BNC2: variants seen among roughly 807,000 people sequenced by gnomAD.
BNC2 encodes the protein zinc finger protein basonuclin-2.
In BNC2, 20 loss-of-function variants were observed where a neutral mutation model predicts 76.3. The observed-to-expected ratio is 0.26, with a 90% CI of 0.18 to 0.38. The LOEUF (loss-of-function observed/expected upper bound fraction) is 0.38, where lower values mean the gene tolerates loss of function less well. Ranked by LOEUF, BNC2 falls within the 10% of genes least tolerant of loss-of-function variation. The pLI, the probability that BNC2 is intolerant of heterozygous loss-of-function variation, is 1.00. For synonymous variants in BNC2, 582 were observed against 514.8 expected, an observed-to-expected ratio of 1.13 and a Z score of -1.77; for missense variants, 1,382 against 1,399.8, an observed-to-expected ratio of 0.99 and a Z score of 0.20.
chr9:16,806,344 G>A (rs946066254), intron 1 of BNC2, among the ~76,000 whole-genome samples: 7 of 152,150 alleles, frequency 4.6e-5, no homozygotes, highest in Non-Finnish European at 1.0e-4. Context: ...CCCTGCCTGG[G>A]TGACAGAGTG....
intron 6 of BNC2, among the ~76,000 whole-genome samples, chr9:16,424,670 G>C (rs963484429): frequency 1.3e-5 from 2 of 152,136 alleles, no homozygotes; most frequent in Non-Finnish European, 2.9e-5. Flanking sequence ...GAGAGAGAGA[G>C]ATAAATTTAT....
At chr9:16,776,205 T>C (rs1168484029) in intron 1 of BNC2, among the ~76,000 whole-genome samples, 3 of 132,216 alleles carry the variant, frequency 2.3e-5, no homozygotes, top group African/African-American at 7.0e-5. Flanking sequence ...AATGGAACCA[T>C]CTCGGGCTCA....
At chr9:16,689,978 G>T (rs565947796) in intron 3 of BNC2, among the ~76,000 whole-genome samples, 1 of 152,310 alleles carries the variant, frequency 6.6e-6, no homozygotes, top group East Asian at 1.9e-4. Flanking sequence ...CAAAATAAAT[G>T]AATACAAAAG....
chr9:16,605,784 CTTTTTTTTTTT>C (rs34431220), intron 3 of BNC2, among the ~76,000 whole-genome samples: 1 of 110,762 alleles, frequency 9.0e-6, no homozygotes, highest in Non-Finnish European at 1.8e-5. Context: ...TTCAAGAATT[CTTTTTTTTTTT>C]TTTTTTTTTT....
intron 3 of BNC2, among the ~76,000 whole-genome samples, chr9:16,657,952 A>C (rs1430784573): frequency 6.6e-6 from 1 of 152,120 alleles, no homozygotes; most frequent in Non-Finnish European, 1.5e-5. Flanking sequence ...TAAAATTCTT[A>C]TGTTTAATAT....
At chr9:16,702,921 T>G (rs997876407) in intron 3 of BNC2, among the ~76,000 whole-genome samples, 7 of 152,206 alleles carry the variant, frequency 4.6e-5, no homozygotes, top group Non-Finnish European at 1.0e-4. Context: ...CAACACCCAT[T>G]TTTTCACTAT....
chr9:16,777,119 C>T (rs939769433), intron 1 of BNC2, among the ~76,000 whole-genome samples: 1 of 151,156 alleles, frequency 6.6e-6, no homozygotes, highest in Non-Finnish European at 1.5e-5. Flanking sequence ...GAGTGAGACT[C>T]CTGTCTCAAA....
chr9:16,705,631 C>T (rs992384088), intron 3 of BNC2, among the ~76,000 whole-genome samples: 1 of 151,414 alleles, frequency 6.6e-6, no homozygotes, highest in African/African-American at 2.4e-5. Flanking sequence ...GCTTTTTCCT[C>T]GAGTTGTATG....
chr9:16,619,458 A>G (rs974312269), intron 3 of BNC2, among the ~76,000 whole-genome samples: 2 of 152,182 alleles, frequency 1.3e-5, no homozygotes, highest in African/African-American at 4.8e-5. Context: ...CTTTCCCCAA[A>G]TAACAAAATA....
chr9:16,497,287 C>T (rs190943967), intron 5 of BNC2, among the ~76,000 whole-genome samples: 137 of 152,298 alleles, frequency 9.0e-4, no homozygotes, highest in African/African-American at 2.9e-3. Context: ...TCTCATTTAT[C>T]CTAAAAACAT....
At position 16,760,015 on chromosome 9, in the gene BNC2, G is replaced by A. The variant is rs138566723; in HGVS notation, c.4-21530C>T. Among the ~76,000 whole-genome samples, 723 of 152,242 alleles carry A rather than the reference G, an allele frequency of 4.7e-3. 3 individuals carry two copies. Among genetic ancestry groups the A allele is most frequent in the African/African-American group, 0.016 (675 of 41,566 alleles). On this transcript the variant is annotated intron_variant, in intron 1 of 6. Transcript: ENST00000380672. ...TGGGATTACAGGCGTGAGCCACCGC[G>A]CGGGGCCAGAGACAGAAACTCTTAC...
intron 3 of BNC2, among the ~76,000 whole-genome samples, chr9:16,669,705 A>G (rs1454928157): frequency 6.6e-6 from 1 of 152,226 alleles, no homozygotes; most frequent in Non-Finnish European, 1.5e-5. Flanking sequence ...ATAGAGAACT[A>G]CTTCTTCTCT....
Position 16,418,987 on chromosome 9 carries a change from G to A in BNC2, c.*2C>T. 1.2e-6 allele frequency: 2 copies of A among 1,614,028 alleles called. No homozygotes were observed. Among genetic ancestry groups the A allele is most frequent in the Non-Finnish European group, 1.7e-6 (2 of 1,179,998 alleles). On this transcript the variant is annotated 3_prime_UTR_variant, in exon 7 of 7. Coordinates refer to ENST00000380672, the MANE Select transcript of BNC2 (RefSeq NM_017637.6). ...CTGGCATTTGTAGTGTCCATTCTGA[G>A]ACTAATCTACTGAAGTGAAGGGAAT... is the stretch of plus-strand genomic sequence containing the variant.
intron 5 of BNC2, among the ~76,000 whole-genome samples, chr9:16,465,344 G>C (rs1160606286): frequency 2.0e-5 from 3 of 148,210 alleles, no homozygotes; most frequent in Admixed American, 7.0e-5. Context: ...GCTTAGGCAT[G>C]AGAATCGCTT....
Position 16,419,446 on chromosome 9 carries a change from C to G in BNC2, c.2843G>C (p.Gly948Ala). 6.2e-7 allele frequency: 1 copy of G among 1,611,912 alleles called. No homozygotes were observed. Among genetic ancestry groups the G allele is most frequent in the East Asian group, 2.2e-5 (1 of 44,836 alleles). Residue 948 changes from glycine to alanine, a missense_variant, in exon 7 of 7, where the codon GGG (glycine) becomes GCG (alanine). Coordinates refer to ENST00000380672, the MANE Select transcript of BNC2 (RefSeq NM_017637.6). ...GTCCTCTGCCATGCCTCTCCCATAC[C>G]CGTTCAGGTGGGAGTCTTCAGTCCC... is the stretch of plus-strand genomic sequence containing the variant. ...PAGTEDSHLN[G>A]YGRGMAEDYM...
chr9:16,761,826 A>C (rs1825559022), intron 1 of BNC2, among the ~76,000 whole-genome samples: 1 of 152,208 alleles, frequency 6.6e-6, no homozygotes, highest in African/African-American at 2.4e-5. Flanking sequence ...CTAACTACAA[A>C]GGCCCATGTT....
chr9:16,549,062 T>C (rs529996718), intron 5 of BNC2, among the ~76,000 whole-genome samples: 1 of 152,288 alleles, frequency 6.6e-6, no homozygotes, highest in East Asian at 1.9e-4. Flanking sequence ...TCATCTCCCT[T>C]TTTCTAATAA....
chr9:16,605,901 C>CA (rs956179791), intron 3 of BNC2, among the ~76,000 whole-genome samples: 13 of 151,870 alleles, frequency 8.6e-5, no homozygotes, highest in African/African-American at 2.4e-4. Flanking sequence ...GTGATCCTCC[C>CA]ACCTCAGCCT....
chr9:16,667,899 T>C (rs1161599560), intron 3 of BNC2, among the ~76,000 whole-genome samples: 1 of 152,188 alleles, frequency 6.6e-6, no homozygotes, highest in Non-Finnish European at 1.5e-5. Context: ...CAAAACACTA[T>C]TCAAGAACTC....
Sources: gnomAD v4.1 joint callset for allele counts (sites outside exome capture counted in the v4.1 genomes callset) on GRCh38, gnomAD v4.1.1 for gene constraint, MANE v1.5 for transcripts, NCBI Gene and HGNC (gene_info 2026-07-23, HGNC 2026-07-21) for gene names.